Variants in ROR2 observed in about 807,000 individuals in gnomAD.
ROR2 encodes tyrosine-protein kinase transmembrane receptor ROR2.
ROR2 carries 33 observed loss-of-function variants against 74.9 expected under a neutral mutation model. That is an observed-to-expected ratio of 0.44 (90% CI 0.33 to 0.59). The LOEUF is 0.59. Ranked by LOEUF, ROR2 falls within the 20% of genes least tolerant of loss-of-function variation. The pLI is 0.02. For synonymous variants in ROR2, 586 were observed against 558.7 expected (o/e 1.05, Z -0.69); for missense variants, 1,216 against 1,313.8 (o/e 0.93, Z 1.15).
intron 1 of ROR2, among the ~76,000 whole-genome samples, chr9:91,870,891 A>G (rs1829776592): frequency 6.6e-6 from 1 of 152,242 alleles, no homozygotes; most frequent in African/African-American, 2.4e-5. Flanking sequence ...AACTCAACAC[A>G]TGATCTTCCT....
chr9:91,832,857 A>G (rs1828503786), intron 1 of ROR2, among the ~76,000 whole-genome samples: 1 of 152,216 alleles, frequency 6.6e-6, no homozygotes, highest in Non-Finnish European at 1.5e-5. Flanking sequence ...TACAACGTCC[A>G]TCTTGGCAGA....
chr9:91,784,414 T>C (rs1564274292), intron 1 of ROR2, among the ~76,000 whole-genome samples: 2 of 152,054 alleles, frequency 1.3e-5, no homozygotes, highest in African/African-American at 2.4e-5. Context: ...CTACAAAACA[T>C]GGGTGAAGTT....
chr9:91,835,447 G>A (rs1460008630), intron 1 of ROR2, among the ~76,000 whole-genome samples: 1 of 152,122 alleles, frequency 6.6e-6, no homozygotes, highest in Non-Finnish European at 1.5e-5. Context: ...TGGAAAAGCA[G>A]AAGGAGCAAA....
At chr9:91,825,019 C>G (rs1178690366) in intron 1 of ROR2, among the ~76,000 whole-genome samples, 1 of 152,230 alleles carries the variant, frequency 6.6e-6, no homozygotes, top group Non-Finnish European at 1.5e-5. Context: ...AGACAGGCCA[C>G]AGGGCTGGGC....
chr9:91,847,783 C>G (rs1828974523), intron 1 of ROR2, among the ~76,000 whole-genome samples: 1 of 152,144 alleles, frequency 6.6e-6, no homozygotes, highest in South Asian at 2.1e-4. Flanking sequence ...GTCTTCGCTG[C>G]CACCAAGAAT....
intron 1 of ROR2, among the ~76,000 whole-genome samples, chr9:91,846,983 T>C (rs537980600): frequency 2.0e-5 from 3 of 152,190 alleles, no homozygotes; most frequent in African/African-American, 4.8e-5. Context: ...GGGTACCGCA[T>C]GGATTCACCA....
chr9:91,763,569 A>T (rs138066026), intron 2 of ROR2, among the ~76,000 whole-genome samples: 104 of 152,332 alleles, frequency 6.8e-4, no homozygotes, highest in African/African-American at 2.3e-3. Context: ...GTGAGCTTCC[A>T]CATCCTTTGG....
At chr9:91,795,089 G>T (rs60930945) in intron 1 of ROR2, among the ~76,000 whole-genome samples, 1 of 151,884 alleles carries the variant, frequency 6.6e-6, no homozygotes, top group East Asian at 1.9e-4. Flanking sequence ...CTGCACTCCA[G>T]CCTGGGCAAC....
chr9:91,946,386 C>T (rs532302525), intron 1 of ROR2, among the ~76,000 whole-genome samples: 33 of 152,322 alleles, frequency 2.2e-4, no homozygotes, highest in African/African-American at 7.9e-4. Context: ...GGAGGCACCT[C>T]AAGGTAAACC....
chr9:91,828,910 T>G (rs1313084285), intron 1 of ROR2, among the ~76,000 whole-genome samples: 1 of 152,182 alleles, frequency 6.6e-6, no homozygotes, highest in African/African-American at 2.4e-5. Flanking sequence ...AATGTTTGCT[T>G]TGAGTTTGGT....
chr9:91,854,351 G>T (rs1330932635), intron 1 of ROR2, among the ~76,000 whole-genome samples: 1 of 152,164 alleles, frequency 6.6e-6, no homozygotes, highest in African/African-American at 2.4e-5. Flanking sequence ...CGTAGGATAG[G>T]GGCCAATGGC....
At chr9:91,790,633 T>C (rs1319040005) in intron 1 of ROR2, among the ~76,000 whole-genome samples, 1 of 152,248 alleles carries the variant, frequency 6.6e-6, no homozygotes, top group African/African-American at 2.4e-5. Context: ...TATCATCATT[T>C]TACAGTGTAC....
Position 91,939,248 on chromosome 9 carries a change from CA to C in ROR2, c.97+10618del, listed in dbSNP as rs751286134. Among the ~76,000 whole-genome samples, 985 of 142,752 alleles carry C rather than the reference CA, an allele frequency of 6.9e-3. 18 individuals carry two copies. Among genetic ancestry groups the C allele is most frequent in the East Asian group, 0.06 (296 of 4,964 alleles). 93.7% of individuals were successfully genotyped at this position (142,752 alleles called of 152,430 possible). ...CTGGCGACAAAGCGAGACTCCATCTCAAAAAAAAAAAATTAAATTAAATTAA... is the reference window on the plus strand; with the variant it reads ...CTGGCGACAAAGCGAGACTCCATCTCAAAAAAAAAAATTAAATTAAATTAA... On this transcript the variant is annotated intron_variant, in intron 1 of 8. Transcript: ENST00000375708.
intron 1 of ROR2, among the ~76,000 whole-genome samples, chr9:91,802,828 C>A (rs1044838068): frequency 6.6e-6 from 1 of 151,976 alleles, no homozygotes; most frequent in African/African-American, 2.4e-5. Flanking sequence ...AAGAGGAAGG[C>A]GAAAGGCATT....
chr9:91,904,970 A>T (rs559899166), intron 1 of ROR2, among the ~76,000 whole-genome samples: 44 of 152,052 alleles, frequency 2.9e-4, no homozygotes, highest in African/African-American at 1.0e-3. Flanking sequence ...CAAATGTCAC[A>T]TGCCACACAA....
chr9:91,931,473 C>T (rs2117957779), intron 1 of ROR2, among the ~76,000 whole-genome samples: 1 of 152,174 alleles, frequency 6.6e-6, no homozygotes, highest in South Asian at 2.1e-4. Flanking sequence ...CTTAGGATAC[C>T]TTCAACTTTT....
chr9:91,737,970 G>C (rs1587670920), intron 4 of ROR2, among the ~76,000 whole-genome samples: 1 of 152,172 alleles, frequency 6.6e-6, no homozygotes, highest in South Asian at 2.1e-4. Flanking sequence ...TGGTTATAGA[G>C]AAATGTCAGT....
chr9:91,838,068 G>T (rs573268438), intron 1 of ROR2, among the ~76,000 whole-genome samples: 1 of 152,126 alleles, frequency 6.6e-6, no homozygotes, highest in Non-Finnish European at 1.5e-5. Context: ...CCTTGTCTGG[G>T]AGTTTATTTA....
chr9:91,773,777 G>A (rs1826321451), intron 2 of ROR2, among the ~76,000 whole-genome samples: 1 of 152,140 alleles, frequency 6.6e-6, no homozygotes, highest in African/African-American at 2.4e-5. Context: ...CCCCCACTGG[G>A]CTTCGCACAC....
Sources: gnomAD v4.1 joint callset for allele counts (sites outside exome capture counted in the v4.1 genomes callset) on GRCh38, gnomAD v4.1.1 for gene constraint, MANE v1.5 for transcripts, NCBI Gene and HGNC (gene_info 2026-07-23, HGNC 2026-07-21) for gene names.